DPP10: variants seen among roughly 807,000 people sequenced by gnomAD.
DPP10 encodes dipeptidyl peptidase like 10.
DPP10 carries 33 observed loss-of-function variants against 120.9 expected under a neutral mutation model. The ratio of observed to expected loss-of-function variants is 0.27; its 90% CI spans 0.21 to 0.37. DPP10 has a LOEUF of 0.37. Ranked by LOEUF, DPP10 falls within the 10% of genes least tolerant of loss-of-function variation. DPP10 has a pLI of 1.00. For missense variants in DPP10, 816 were observed against 942.8 expected, an observed-to-expected ratio of 0.87 and a Z score of 1.76; for synonymous variants, 337 against 326.1, an observed-to-expected ratio of 1.03 and a Z score of -0.36.
intron 4 of DPP10, among the ~76,000 whole-genome samples, chr2:115,507,193 G>T (rs974901179): frequency 6.6e-6 from 1 of 152,042 alleles, no homozygotes; most frequent in Non-Finnish European, 1.5e-5. Context: ...AACTTGTAGA[G>T]ATTTTTCTAC....
chr2:114,897,150 G>A (rs1268707557), intron 1 of DPP10, among the ~76,000 whole-genome samples: 2 of 152,128 alleles, frequency 1.3e-5, no homozygotes, highest in African/African-American at 4.8e-5. Context: ...GTATTTTATT[G>A]AGGATTTTTG....
intron 4 of DPP10, among the ~76,000 whole-genome samples, chr2:115,511,070 T>C (rs1425231400): frequency 6.6e-6 from 1 of 152,146 alleles, no homozygotes; most frequent in Non-Finnish European, 1.5e-5. Flanking sequence ...TTTTTCCAAC[T>C]ATGTCTTTGT....
chr2:114,751,901 T>C (rs1679262595), intron 1 of DPP10, among the ~76,000 whole-genome samples: 1 of 152,202 alleles, frequency 6.6e-6, no homozygotes, highest in South Asian at 2.1e-4. Flanking sequence ...TCGCCCGGGA[T>C]TTTATTAAAG....
intron 8 of DPP10, among the ~76,000 whole-genome samples, chr2:115,732,892 G>A (rs943675478): frequency 2.0e-5 from 3 of 152,070 alleles, no homozygotes; most frequent in East Asian, 1.9e-4. Flanking sequence ...TGAGAAATAC[G>A]GGTTTCCATG....
chr2:114,744,030 A>T (rs912057246), intron 1 of DPP10, among the ~76,000 whole-genome samples: 2 of 152,220 alleles, frequency 1.3e-5, no homozygotes, highest in African/African-American at 4.8e-5. Flanking sequence ...CAATGGTGGC[A>T]TTTGAAGTGG....
At chr2:114,584,286 A>T (rs866226210) in intron 1 of DPP10, among the ~76,000 whole-genome samples, 1 of 152,324 alleles carries the variant, frequency 6.6e-6, no homozygotes, top group Middle Eastern at 3.4e-3. Context: ...ATGGTATATC[A>T]GTTAAAACCA....
chr2:114,500,577 G>A (rs531992414), intron 1 of DPP10, among the ~76,000 whole-genome samples: 11 of 152,216 alleles, frequency 7.2e-5, no homozygotes, highest in South Asian at 4.1e-4. Context: ...TAAAAACCAA[G>A]ACCTGTCTAT....
chr2:115,221,614 C>G (rs909306077), intron 1 of DPP10, among the ~76,000 whole-genome samples: 1 of 152,094 alleles, frequency 6.6e-6, no homozygotes, highest in East Asian at 1.9e-4. Context: ...CTTGTTTATT[C>G]TACACTGCCT....
chr2:114,462,240 T>C, intron 1 of DPP10: 5 of 701,992 alleles, frequency 7.1e-6, no homozygotes, highest in Non-Finnish European at 8.7e-6. Flanking sequence ...TACCACCCTA[T>C]TGCTAATATT....
At chr2:114,975,851 A>T (rs967813534) in intron 1 of DPP10, among the ~76,000 whole-genome samples, 1 of 152,096 alleles carries the variant, frequency 6.6e-6, no homozygotes, top group African/African-American at 2.4e-5. Flanking sequence ...GGGTTTCACC[A>T]TGTTGGCCAG....
chr2:115,736,895 A>C (rs190307690), intron 8 of DPP10, among the ~76,000 whole-genome samples: 1 of 152,050 alleles, frequency 6.6e-6, no homozygotes, highest in African/African-American at 2.4e-5. Context: ...CTAGTTTTCT[A>C]ATTTTACTTT....
intron 1 of DPP10, among the ~76,000 whole-genome samples, chr2:114,660,761 T>G (rs1643702476): frequency 6.6e-6 from 1 of 152,232 alleles, no homozygotes; most frequent in South Asian, 2.1e-4. Flanking sequence ...GAACTAGAAT[T>G]TACAGTTTAC....
intron 1 of DPP10, among the ~76,000 whole-genome samples, chr2:114,636,788 A>G (rs553595955): frequency 6.6e-6 from 1 of 151,926 alleles, no homozygotes; most frequent in Non-Finnish European, 1.5e-5. Flanking sequence ...AAATCCCAAC[A>G]GTATACCTCC....
At chr2:114,466,297 T>G (rs1176406190) in intron 1 of DPP10, among the ~76,000 whole-genome samples, 1 of 152,200 alleles carries the variant, frequency 6.6e-6, no homozygotes, top group Admixed American at 6.5e-5. Flanking sequence ...TAAACATATA[T>G]GTATTTATGT....
intron 3 of DPP10, among the ~76,000 whole-genome samples, chr2:115,350,581 C>G (rs1181596575): frequency 1.3e-5 from 2 of 151,950 alleles, no homozygotes; most frequent in African/African-American, 4.8e-5. Context: ...TGCCTTTTTT[C>G]TCAGAGATCT....
chr2:115,731,228 C>T (rs140525490), intron 8 of DPP10, among the ~76,000 whole-genome samples: 2 of 152,124 alleles, frequency 1.3e-5, no homozygotes, highest in African/African-American at 2.4e-5. Context: ...CATGCTGGTG[C>T]GTACCTGTAA....
intron 1 of DPP10, among the ~76,000 whole-genome samples, chr2:114,784,603 T>G (rs1682612763): frequency 6.6e-6 from 1 of 152,078 alleles, no homozygotes; most frequent in South Asian, 2.1e-4. Context: ...GTTTCTTTGT[T>G]CCTGAAATTG....
At position 115,393,630 on chromosome 2, in the gene DPP10, G is replaced by A. The variant is rs1181640993; in HGVS notation, c.271+49718G>A. The stretch of plus-strand genomic sequence containing the variant: ...GTTTTCTGGCTCTGGGAACCATTGT[G>A]TATTCTCAGAGAAGAAGAGAGAGAG... On this transcript the variant is annotated intron_variant, in intron 3 of 25. Transcript: ENST00000410059. 4.6e-5 allele frequency among the ~76,000 whole-genome samples: 7 copies of A among 152,278 alleles called. No homozygotes were observed. In the South Asian group the frequency reaches 1.2e-3, roughly 27 times the overall value.
At chr2:115,122,021 T>A (rs2049850676) in intron 1 of DPP10, among the ~76,000 whole-genome samples, 1 of 152,230 alleles carries the variant, frequency 6.6e-6, no homozygotes, top group South Asian at 2.1e-4. Flanking sequence ...CGCAATTAAC[T>A]ATATGTGCAG....
Sources: allele counts gnomAD v4.1 joint callset (sites outside exome capture counted in the v4.1 genomes callset), GRCh38; gene constraint gnomAD v4.1.1; transcripts MANE v1.5; gene names NCBI Gene and HGNC (gene_info 2026-07-23, HGNC 2026-07-21).